Variants in PRH1 observed in about 807,000 individuals in gnomAD.
The protein encoded by PRH1 is proline rich protein HaeIII subfamily 1, also known as salivary acidic proline-rich phosphoprotein 1/2.
In PRH1, 7 loss-of-function variants were observed where a neutral mutation model predicts 7.9. That is an observed-to-expected ratio of 0.89 (90% CI 0.50 to 1.67). PRH1 has a LOEUF of 1.67. Ranked by LOEUF, PRH1 falls within the 40% of genes most tolerant of loss-of-function variation. PRH1 has a pLI of 0.00. For synonymous variants in PRH1, 45 were observed against 80.8 expected, an observed-to-expected ratio of 0.56 and a Z score of 2.38; for missense variants, 109 against 223.6, an observed-to-expected ratio of 0.49 and a Z score of 3.27.
intron 1 of PRH1, among the ~76,000 whole-genome samples, chr12:11,165,328 C>A (rs985080456): frequency 3.3e-5 from 5 of 151,404 alleles, no homozygotes; most frequent in African/African-American, 1.2e-4. Context: ...CCCTCTCTTT[C>A]ATTTTTCTGT....
chr12:10,988,583 TTAA>T (rs1202799674), intron 1 of PRH1, among the ~76,000 whole-genome samples: 2 of 152,092 alleles, frequency 1.3e-5, no homozygotes, highest in African/African-American at 4.8e-5. Flanking sequence ...ATTTTTCCAG[TTAA>T]TAATTTTTAA....
chr12:10,971,660 G>T (rs1178529115), intron 2 of PRH1, among the ~76,000 whole-genome samples: 2 of 152,016 alleles, frequency 1.3e-5, no homozygotes, highest in East Asian at 1.9e-4. Flanking sequence ...CTAAGCCAAA[G>T]AATTATATTA....
intron 1 of PRH1, among the ~76,000 whole-genome samples, chr12:11,002,820 C>T (rs1284987627): frequency 6.6e-6 from 1 of 151,912 alleles, no homozygotes; most frequent in Non-Finnish European, 1.5e-5. Flanking sequence ...AATATTTTCC[C>T]CAACACATAT....
chr12:11,160,812 T>A (rs530978665), intron 1 of PRH1, among the ~76,000 whole-genome samples: 1 of 152,148 alleles, frequency 6.6e-6, no homozygotes, highest in African/African-American at 2.4e-5. Flanking sequence ...AGAAAAGAAC[T>A]AATATTCAAG....
chr12:11,091,455 G>A (rs1944895575), intron 1 of PRH1: 3 of 1,265,862 alleles, frequency 2.4e-6, no homozygotes, highest in Admixed American at 2.0e-5. Context: ...ATGAAGACAG[G>A]TTTGTTTTCC....
At chr12:11,126,343 T>C (rs1035581662) in intron 1 of PRH1, among the ~76,000 whole-genome samples, 17 of 150,590 alleles carry the variant, frequency 1.1e-4, no homozygotes, top group African/African-American at 4.2e-4. Flanking sequence ...AAACTTTATA[T>C]AAATGTAATT....
At chr12:11,027,037 G>T (rs1480536488) in intron 1 of PRH1, among the ~76,000 whole-genome samples, 1 of 127,094 alleles carries the variant, frequency 7.9e-6, no homozygotes, top group Non-Finnish European at 1.8e-5. Flanking sequence ...GGCCGACACG[G>T]GAAGATCATT....
At chr12:10,929,363 G>GT in intron 2 of PRH1, 1 of 1,614,060 alleles carries the variant, frequency 6.2e-7, no homozygotes, top group Non-Finnish European at 8.5e-7. Flanking sequence ...GGAAGATATT[G>GT]TGACTCTGAT....
At chr12:11,133,486 C>A in intron 1 of PRH1, 1 of 1,614,106 alleles carries the variant, frequency 6.2e-7, no homozygotes, top group Non-Finnish European at 8.5e-7. Context: ...TTTCCAGCCT[C>A]CCAAAATTAC....
rs1369186723 is a variant in PRH1, at chr12:11,137,826, A to C, written n.40-16646T>G. 3.3e-5 allele frequency among the ~76,000 whole-genome samples: 5 copies of C among 152,294 alleles called. No individual in the cohort carries two copies. The East Asian group carries it at 9.6e-4, about 29-fold the overall frequency. On this transcript the variant is annotated intron_variant and non_coding_transcript_variant, in intron 1 of 1. Transcript: ENST00000541175. Reference sequence around the variant, plus strand: ...TATTTCAAAAATAAATCATTTAATGAGATAGATGTGGATATAGATAATGAT... The same window carrying C: ...TATTTCAAAAATAAATCATTTAATGCGATAGATGTGGATATAGATAATGAT...
chr12:10,881,897 A>G (rs1949406637), intron 3 of PRH1, among the ~76,000 whole-genome samples: 1 of 152,208 alleles, frequency 6.6e-6, no homozygotes, highest in Non-Finnish European at 1.5e-5. Context: ...TGAAAACTTT[A>G]AATGGGAGTC....
chr12:11,129,229 T>C (rs1464516170), intron 1 of PRH1, among the ~76,000 whole-genome samples: 4 of 152,296 alleles, frequency 2.6e-5, no homozygotes, highest in African/African-American at 7.2e-5. Flanking sequence ...GTGGGAGTTT[T>C]GAAGGTCAGA....
At chr12:11,073,193 G>C (rs1239543253) in intron 1 of PRH1, among the ~76,000 whole-genome samples, 1 of 119,642 alleles carries the variant, frequency 8.4e-6, no homozygotes, top group Non-Finnish European at 2.0e-5. Context: ...GTGCACTGGT[G>C]CCATCTCGGC....
intron 1 of PRH1, among the ~76,000 whole-genome samples, chr12:11,137,965 C>T (rs951387613): frequency 3.0e-5 from 4 of 134,764 alleles, no homozygotes; most frequent in African/African-American, 7.8e-5. Flanking sequence ...TTCTTCATGG[C>T]CTCATGATTC....
At chr12:10,922,140 A>G (rs1950054631) in intron 2 of PRH1, among the ~76,000 whole-genome samples, 3 of 152,200 alleles carry the variant, frequency 2.0e-5, no homozygotes, top group Admixed American at 2.0e-4. Flanking sequence ...TAAATAGCAC[A>G]CCTAAACCAC....
chr12:11,164,269 C>T (rs915607258), intron 1 of PRH1, among the ~76,000 whole-genome samples: 2 of 152,136 alleles, frequency 1.3e-5, no homozygotes, highest in African/African-American at 4.8e-5. Context: ...GAACAAAAAG[C>T]TGGAGGAAGG....
At chr12:11,142,506 A>G (rs1346697295) in intron 1 of PRH1, among the ~76,000 whole-genome samples, 2 of 152,214 alleles carry the variant, frequency 1.3e-5, no homozygotes, top group Non-Finnish European at 2.9e-5. Context: ...AAAAAGAACA[A>G]TGAAACACAA....
chr12:11,028,288 C>T (rs968007522), intron 1 of PRH1, among the ~76,000 whole-genome samples: 1 of 152,190 alleles, frequency 6.6e-6, no homozygotes, highest in Non-Finnish European at 1.5e-5. Flanking sequence ...CATTCTCCCT[C>T]CTCTCTCTCT....
intron 1 of PRH1, among the ~76,000 whole-genome samples, chr12:11,079,441 C>G (rs1242274603): frequency 1.7e-5 from 2 of 117,764 alleles, no homozygotes; most frequent in African/African-American, 5.7e-5. Flanking sequence ...ACTAAATCAG[C>G]CAAACTAGCT....
Sources: allele counts gnomAD v4.1 joint callset (sites outside exome capture counted in the v4.1 genomes callset), GRCh38; gene constraint gnomAD v4.1.1; transcripts MANE v1.5; gene names NCBI Gene and HGNC (gene_info 2026-07-23, HGNC 2026-07-21).